Variants in AAK1 observed in about 807,000 individuals in gnomAD.
AAK1 encodes AP2-associated protein kinase 1.
In AAK1, 37 loss-of-function variants were observed where a neutral mutation model predicts 116.0. That is an observed-to-expected ratio of 0.32 (90% confidence interval 0.25 to 0.42). The LOEUF is 0.42. Ranked by LOEUF, AAK1 falls within the 10% of genes least tolerant of loss-of-function variation. AAK1 has a pLI of 1.00. For missense variants in AAK1, 919 were observed against 1,170.6 expected, an observed-to-expected ratio of 0.79 and a Z score of 3.14; for synonymous variants, 458 against 439.9, an observed-to-expected ratio of 1.04 and a Z score of -0.51.
rs768272847 is a variant in AAK1 at position 69,466,512 on chromosome 2, A to G, written c.*9357T>C. ...ACCCAGTGATTCTTTAAAGTGCTCT[A>G]CAGTTATTACAGGACAGGGATTGGA... On this transcript the variant is annotated 3_prime_UTR_variant, in exon 22 of 22. Transcript: ENST00000409085. The G allele has an allele frequency of 2.5e-5, 31 of 1,226,324 alleles. No homozygotes were observed. Among genetic ancestry groups the G allele is most frequent in the East Asian group, 5.8e-5 (1 of 17,328 alleles). The allele number at this position is 1,226,324 out of a possible 1,614,324, so 76.0% of individuals were successfully genotyped here.
rs1410842454 is a variant in AAK1, at chr2:69,482,520, C to CA, written c.2467+190dup. On this transcript the variant is annotated intron_variant, in intron 18 of 21. Transcript: ENST00000409085. ...AGAAATCTCCAGATATCAAGAAAGG[C>CA]AAAAAATAGACGTTGTACCCCCGAA... 12 of 686,950 alleles carry CA rather than the reference C, an allele frequency of 1.7e-5. 1 individual carries two copies. The East Asian group carries it at 2.4e-4, about 14-fold the overall frequency. The allele number at this position is 686,950 out of a possible 1,614,324, so 42.6% of individuals were successfully genotyped here. A position where few individuals can be genotyped will look rare whatever the true frequency, so the allele number is the denominator to read the frequency against.
At chr2:69,480,012 C>T (rs1675022924) in intron 19 of AAK1, among the ~76,000 whole-genome samples, 1 of 152,116 alleles carries the variant, frequency 6.6e-6, no homozygotes, top group African/African-American at 2.4e-5. Flanking sequence ...ACTTCAGTCT[C>T]CCAAAGTGCT....
At chr2:69,548,462 TTTTC>T (rs966838061) in intron 3 of AAK1, among the ~76,000 whole-genome samples, 20 of 151,582 alleles carry the variant, frequency 1.3e-4, no homozygotes, top group Admixed American at 4.6e-4. Flanking sequence ...CTTTCCTTCT[TTTTC>T]TTTCTTTTTT....
At chr2:69,537,965 G>C (rs1164066752) in intron 5 of AAK1, among the ~76,000 whole-genome samples, 1 of 152,188 alleles carries the variant, frequency 6.6e-6, no homozygotes, top group Non-Finnish European at 1.5e-5. Flanking sequence ...TGAACAAATT[G>C]GCAGCATGCC....
intron 17 of AAK1, among the ~76,000 whole-genome samples, chr2:69,490,318 A>C (rs1260522361): frequency 6.6e-6 from 1 of 152,180 alleles, no homozygotes; most frequent in Non-Finnish European, 1.5e-5. Flanking sequence ...TATATACCCA[A>C]GAGAATTGAA....
chr2:69,624,841 C>A (rs777563777), intron 2 of AAK1, among the ~76,000 whole-genome samples: 1 of 151,918 alleles, frequency 6.6e-6, no homozygotes, highest in Admixed American at 6.6e-5. Context: ...ATGGAATAAC[C>A]GAAACAATAT....
At chr2:69,481,449 T>A (rs1049515315) in intron 18 of AAK1, 2 of 152,922 alleles carry the variant, frequency 1.3e-5, no homozygotes, top group Non-Finnish European at 2.9e-5. Flanking sequence ...GGGGCAAACA[T>A]CCTCTGTGCC....
chr2:69,509,729 T>A (rs998563237), intron 13 of AAK1, among the ~76,000 whole-genome samples: 4 of 152,194 alleles, frequency 2.6e-5, no homozygotes, highest in Non-Finnish European at 5.9e-5. Context: ...GGTAACCATA[T>A]GTTAACCATA....
intron 2 of AAK1, among the ~76,000 whole-genome samples, chr2:69,606,702 C>A (rs892111682): frequency 4.6e-5 from 7 of 152,182 alleles, no homozygotes; most frequent in Non-Finnish European, 7.4e-5. Flanking sequence ...AAAACTGACA[C>A]AAATATCTGC....
At chr2:69,574,973 G>A (rs1421936973) in intron 2 of AAK1, among the ~76,000 whole-genome samples, 1 of 149,544 alleles carries the variant, frequency 6.7e-6, no homozygotes, top group African/African-American at 2.5e-5. Context: ...GGGTGACAGG[G>A]CGAAATTCTG....
At chr2:69,627,086 G>A (rs1202970166) in intron 2 of AAK1, among the ~76,000 whole-genome samples, 4 of 151,798 alleles carry the variant, frequency 2.6e-5, no homozygotes, top group Admixed American at 6.5e-5. Context: ...TCAGGAGTTC[G>A]AGACCAGCCT....
At position 69,519,091 on chromosome 2, in the gene AAK1, G is replaced by A. The variant is rs1669624416; in HGVS notation, c.1360C>T (p.Pro454Ser). The A allele has an allele frequency of 1.3e-6, 2 of 1,552,320 alleles. No homozygotes were observed. The highest frequency in any genetic ancestry group is 3.9e-5 in the Admixed American group (2 of 51,030). The change falls in exon 12 of 22, where the codon CCC becomes TCC. Residue 454 changes from proline (P) to serine (S), a missense_variant. Transcript: ENST00000409085. ...QTPSTQAQGLPAQAQATPQHQ... is the reference protein window; with the variant it reads ...QTPSTQAQGLSAQAQATPQHQ... ...TGGGGTGTGGCCTGGGCCTGAGCGG[G>A]CAGACCCTGGGCCTGAGTAGAAGGC...
intron 16 of AAK1, among the ~76,000 whole-genome samples, chr2:69,504,335 T>C (rs1212542445): frequency 1.3e-5 from 2 of 149,648 alleles, no homozygotes; most frequent in African/African-American, 5.0e-5. Flanking sequence ...GAGGCAGAGT[T>C]TGCAGTGAGC....
At chr2:69,524,818 TC>T (rs1669949852) in intron 10 of AAK1, among the ~76,000 whole-genome samples, 1 of 152,250 alleles carries the variant, frequency 6.6e-6, no homozygotes, top group Non-Finnish European at 1.5e-5. Flanking sequence ...GCTTCAGAGT[TC>T]TTGATTCTCT....
chr2:69,503,980 C>T (rs1676075262), intron 16 of AAK1, among the ~76,000 whole-genome samples: 1 of 133,372 alleles, frequency 7.5e-6, no homozygotes, highest in Admixed American at 8.0e-5. Flanking sequence ...GCCCCGGCAA[C>T]AAGAGCGAAA....
intron 2 of AAK1, among the ~76,000 whole-genome samples, chr2:69,606,646 C>A (rs1285956130): frequency 2.6e-5 from 4 of 152,222 alleles, no homozygotes; most frequent in Non-Finnish European, 5.9e-5. Context: ...AAAGTGACTA[C>A]TGCATGACAA....
chr2:69,636,793 G>A (rs765861782), intron 2 of AAK1, among the ~76,000 whole-genome samples: 13 of 151,536 alleles, frequency 8.6e-5, no homozygotes, highest in African/African-American at 2.4e-4. Context: ...TCTGCCTCCC[G>A]GATTCAAGCG....
At position 69,465,271 on chromosome 2, in the gene AAK1, A is replaced by G. The variant is rs1674449811; in HGVS notation, c.*10598T>C. 1.7e-6 allele frequency: 1 copy of G among 587,066 alleles called. No homozygotes were observed. The highest frequency in any genetic ancestry group is 2.5e-6 in the Non-Finnish European group (1 of 395,688). 36.4% of individuals were successfully genotyped at this position (587,066 alleles called of 1,614,324 possible). On this transcript the variant is annotated 3_prime_UTR_variant, in exon 22 of 22. Coordinates refer to ENST00000409085, the MANE Select transcript of AAK1 (RefSeq NM_014911.5). ...GGGGCTTCAACTAAATATCACTGCA[A>G]CTGAGTTTGTTGACTCAAGAAATTC... is the stretch of plus-strand genomic sequence containing the variant.
At chr2:69,602,093 A>G (rs955784096) in intron 2 of AAK1, among the ~76,000 whole-genome samples, 1 of 152,236 alleles carries the variant, frequency 6.6e-6, no homozygotes, top group Non-Finnish European at 1.5e-5. Flanking sequence ...ATTAAGGAAC[A>G]TCCTATAAAG....
Sources: allele counts gnomAD v4.1 joint callset (sites outside exome capture counted in the v4.1 genomes callset), GRCh38; gene constraint gnomAD v4.1.1; transcripts MANE v1.5; gene names NCBI Gene and HGNC (gene_info 2026-07-23, HGNC 2026-07-21).